Variants in GRTP1 observed in about 807,000 individuals in gnomAD.
The protein encoded by GRTP1 is growth hormone regulated TBC protein 1.
GRTP1 carries 56 observed loss-of-function variants against 38.1 expected under a neutral mutation model. That is an observed-to-expected ratio of 1.47 (90% CI 1.19 to 1.84). GRTP1 has a LOEUF of 1.84. Among genes scored for constraint, GRTP1 ranks in the 40% most tolerant of loss-of-function variants. The pLI is 0.00. For missense variants in GRTP1, 506 were observed against 453.9 expected (o/e 1.11, Z -1.04); for synonymous variants, 217 against 189.5 (o/e 1.14, Z -1.19).
At chr13:113,336,544 G>A (rs61966580) in intron 5 of GRTP1, among the ~76,000 whole-genome samples, 148,113 of 151,862 alleles carry the variant, frequency 0.98, 72,340 homozygotes, top group East Asian at 1. Flanking sequence ...GGCTCTGGCC[G>A]TGGTTGGGGG....
chr13:113,329,448 A>T (rs567318569), intron 5 of GRTP1, among the ~76,000 whole-genome samples: 2 of 151,068 alleles, frequency 1.3e-5, no homozygotes, highest in African/African-American at 4.9e-5. Flanking sequence ...CGTGGTGGCC[A>T]GCACCTGTAA....
chr13:113,325,442 C>T (rs935666656), intron 7 of GRTP1: 17 of 1,445,056 alleles, frequency 1.2e-5, no homozygotes, highest in South Asian at 2.9e-5. Flanking sequence ...GAGCAGCGTC[C>T]GCAGTGCCAG....
At chr13:113,360,875 C>T (rs2043482973) in intron 2 of GRTP1, among the ~76,000 whole-genome samples, 1 of 152,162 alleles carries the variant, frequency 6.6e-6, no homozygotes, top group African/African-American at 2.4e-5. Context: ...TTTTGGGAGG[C>T]TGAGGTGGGC....
chr13:113,335,571 C>G (rs1365520565), intron 5 of GRTP1, among the ~76,000 whole-genome samples: 2 of 152,140 alleles, frequency 1.3e-5, no homozygotes, highest in Non-Finnish European at 2.9e-5. Flanking sequence ...AACACACGGT[C>G]TCACTTCTTC....
chr13:113,351,173 C>T (rs1007016504), intron 3 of GRTP1, among the ~76,000 whole-genome samples, 200 bp from the exon 4 acceptor site: 3 of 152,158 alleles, frequency 2.0e-5, no homozygotes, highest in African/African-American at 4.8e-5. Flanking sequence ...GAACTCGGGG[C>T]GGAGAGGGGC....
intron 5 of GRTP1, 160 bp from the exon 6 acceptor site, chr13:113,326,251 GAC>G: frequency 8.2e-6 from 3 of 365,534 alleles, no homozygotes; most frequent in Non-Finnish European, 1.1e-5. Flanking sequence ...GAGGCCTGCA[GAC>G]ACAGGGCTCA....
Position 113,326,042 on chromosome 13 carries a change from G to T in GRTP1, c.612C>A (p.Leu204=). The stretch of plus-strand genomic sequence containing the variant: ...GCAGCTTCGCCCGCACCAGCTCCCC[G>T]AGGACCTCCTGGTCGGTCTTCAGGC... ...MLGLKTDQEV[L]GELVRAKLPA... is the part of the protein sequence containing the mutation. The change falls in exon 6 of 8, where the codon CTC becomes CTA. Residue 204 remains leucine, a synonymous_variant. Transcript: ENST00000375431. 1 of 1,613,036 alleles carries T rather than the reference G, an allele frequency of 6.2e-7. No individual in the cohort carries two copies. The highest frequency in any genetic ancestry group is 1.1e-5 in the South Asian group (1 of 91,048).
Position 113,346,132 on chromosome 13 carries a change from A to C in GRTP1, c.466-1173T>G, listed in dbSNP as rs866350466. On this transcript the variant is annotated intron_variant, in intron 4 of 7. Coordinates refer to ENST00000375431, the MANE Select transcript of GRTP1 (RefSeq NM_024719.4). ...AACAGACCCGGGAGGACCTCTGTGGACAAGAGCAGACCCGGGAGGACCTCT... is the reference window on the plus strand; with the variant it reads ...AACAGACCCGGGAGGACCTCTGTGGCCAAGAGCAGACCCGGGAGGACCTCT... Among the ~76,000 whole-genome samples, 298 of 31,248 alleles carry C rather than the reference A, an allele frequency of 9.5e-3. 26 individuals carry two copies. Among genetic ancestry groups the C allele is most frequent in the African/African-American group, 0.021 (106 of 4,976 alleles). 20.5% of individuals were successfully genotyped at this position (31,248 alleles called of 152,430 possible).
chr13:113,363,246 C>T (rs927372801), intron 2 of GRTP1, among the ~76,000 whole-genome samples: 1 of 152,218 alleles, frequency 6.6e-6, no homozygotes, highest in Non-Finnish European at 1.5e-5. Flanking sequence ...CTCGCTCTGT[C>T]GCCCAGGCTG....
At chr13:113,325,443 G>T in intron 7 of GRTP1, 1 of 1,443,752 alleles carries the variant, frequency 6.9e-7, no homozygotes, top group Non-Finnish European at 9.0e-7. Flanking sequence ...AGCAGCGTCC[G>T]CAGTGCCAGG....
rs995720758 is a variant in GRTP1 at position 113,343,787 on chromosome 13, C to T, written c.562+1076G>A. Among the ~76,000 whole-genome samples, 4 of 152,182 alleles carry T rather than the reference C, an allele frequency of 2.6e-5. No homozygotes were observed. Among genetic ancestry groups the T allele is most frequent in the African/African-American group, 7.2e-5 (3 of 41,450 alleles). ...AGGCTCCAAACACTGGGGACTGGCCCGGCTGCCCCTCACGTCTCCTCTGCC... is the reference window on the plus strand; with the variant it reads ...AGGCTCCAAACACTGGGGACTGGCCTGGCTGCCCCTCACGTCTCCTCTGCC... On this transcript the variant is annotated intron_variant, in intron 5 of 7. Transcript: ENST00000375431. This position sits in a 1 kb window ranked among gnomAD's most constrained non-coding sequence, Gnocchi z 4.8.
At chr13:113,328,428 GGT>G (rs2042807773) in intron 5 of GRTP1, among the ~76,000 whole-genome samples, 2 of 152,226 alleles carry the variant, frequency 1.3e-5, no homozygotes, top group Non-Finnish European at 2.9e-5. Flanking sequence ...TCTGAGAGCA[GGT>G]GTGAGTCCCA....
intron 5 of GRTP1, among the ~76,000 whole-genome samples, chr13:113,334,280 A>ACTTCCCCCCCCCCCCCCCCCTCCCGCC (rs1202504022): frequency 7.0e-6 from 1 of 142,484 alleles, no homozygotes; most frequent in Non-Finnish European, 1.5e-5. Context: ...CACTGCCACG[A>ACTTCCCCCCCCCCCCCCCCCTCCCGCC]CAGCCTCCCG....
chr13:113,355,676 G>A, intron 2 of GRTP1, 195 bp from the exon 3 acceptor site: 1 of 553,356 alleles, frequency 1.8e-6, no homozygotes, highest in African/African-American at 1.9e-5. Context: ...CCTCTCAACA[G>A]AGCACAAACC....
intron 3 of GRTP1, among the ~76,000 whole-genome samples, chr13:113,353,060 A>G (rs894694266): frequency 1.4e-5 from 2 of 146,842 alleles, no homozygotes; most frequent in African/African-American, 2.5e-5. Context: ...GAAAGCAGGG[A>G]CCCAGCCCCA....
Position 113,355,360 on chromosome 13 carries a change from T to C in GRTP1, c.303A>G (p.Gly101=). 6.2e-7 allele frequency: 1 copy of C among 1,614,094 alleles called. No homozygotes were observed. Among genetic ancestry groups the C allele is most frequent in the Non-Finnish European group, 8.5e-7 (1 of 1,179,994 alleles). ...CGTCCTCCAGCCTGGGGTTTCTCTC[T>C]CCCTGGAGAAGCTGGTGGTAGTAGC... ...NPGYYHQLLQ[G]ERNPRLEDAI... Residue 101 remains glycine (G), a synonymous_variant, in exon 3 of 8, where the codon GGA becomes GGG. Transcript: ENST00000375431.
Position 113,324,566 on chromosome 13 carries a change from T to G in GRTP1, c.933A>C (p.Ser311=), listed in dbSNP as rs941501134. 6 of 1,608,116 alleles carry G rather than the reference T, an allele frequency of 3.7e-6. No homozygotes were observed. The African/African-American group carries it at 8.0e-5, about 22-fold the overall frequency. The change falls in exon 8 of 8, where the codon TCA becomes TCC. Residue 311 remains serine (S), a synonymous_variant. Transcript: ENST00000375431. ...TGGCCATGGATAAGCTTCCAGGTTC[T>G]GAAAATATTTTCTGGAAGGCAAACA... The part of the protein sequence containing the change: ...ECHTFMQKIF[S]EPGSLSMATV...
At chr13:113,335,334 A>C (rs891267517) in intron 5 of GRTP1, among the ~76,000 whole-genome samples, 27 of 151,378 alleles carry the variant, frequency 1.8e-4, no homozygotes, top group African/African-American at 5.3e-4. Context: ...GAGGCAGGAG[A>C]ATCGCTTGAA....
rs1451032959 is a variant in GRTP1, at chr13:113,347,171, G to C, written c.466-2212C>G. 2.7e-4 allele frequency among the ~76,000 whole-genome samples: 23 copies of C among 85,596 alleles called. 1 individual carries two copies. Among genetic ancestry groups the C allele is most frequent in the East Asian group, 9.7e-4 (3 of 3,100 alleles). The allele number at this position is 85,596 out of a possible 152,430, so 56.2% of individuals were successfully genotyped here. A position where few individuals can be genotyped will look rare whatever the true frequency, so the allele number is the denominator to read the frequency against. ...GAGCAGACCCGGGAGGACCTCTGTG[G>C]CAGAGAGCAGACCCAGGAGGACCTC... On this transcript the variant is annotated intron_variant, in intron 4 of 7. Transcript: ENST00000375431.
Sources: gnomAD v4.1 joint callset for allele counts (sites outside exome capture counted in the v4.1 genomes callset) on GRCh38, gnomAD v4.1.1 for gene constraint, Gnocchi (gnomAD v3.1) non-coding constraint, MANE v1.5 for transcripts, NCBI Gene and HGNC (gene_info 2026-07-23, HGNC 2026-07-21) for gene names.